SLC44A4: variants seen among roughly 807,000 people sequenced by gnomAD.
SLC44A4 encodes the protein solute carrier family 44 member 4, also known as choline transporter-like protein 4.
A neutral mutation model predicts 97.0 loss-of-function variants in SLC44A4; 74 were observed. The observed-to-expected ratio is 0.76, with a 90% CI of 0.63 to 0.93. The LOEUF (loss-of-function observed/expected upper bound fraction) is 0.93. Among genes scored for constraint, SLC44A4 ranks in the 40% least tolerant of loss-of-function variants. The pLI is 0.00. For missense variants in SLC44A4, 799 were observed against 902.9 expected (o/e 0.88, Z 1.48); for synonymous variants, 325 against 363.8 (o/e 0.89, Z 1.21).
rs1763602337 is a variant in SLC44A4, at chr6:31,878,799, A to G, written c.40+142T>C. 2.9e-6 allele frequency: 3 copies of G among 1,019,754 alleles called. No homozygotes were observed. The South Asian group carries it at 4.0e-5, about 14-fold the overall frequency. 63.2% of individuals were successfully genotyped at this position (1,019,754 alleles called of 1,614,324 possible). A position where few individuals can be genotyped will look rare whatever the true frequency, so the allele number is the denominator to read the frequency against. The stretch of plus-strand genomic sequence containing the variant: ...CCCAGGACCCTGACTCCCTCCCTCC[A>G]TGGCTCCCGGTTCCCGGGCCCTCCC... On this transcript the variant is annotated intron_variant, in intron 1 of 20. Coordinates refer to ENST00000229729, the MANE Select transcript of SLC44A4 (RefSeq NM_025257.3). The surrounding 1 kb of genome is among the most constrained non-coding windows in gnomAD (Gnocchi z 4.0).
chr6:31,868,659 G>A (rs1345261542), intron 13 of SLC44A4, among the ~76,000 whole-genome samples: 1 of 152,154 alleles, frequency 6.6e-6, no homozygotes, highest in Non-Finnish European at 1.5e-5. Flanking sequence ...AGCCTGGCGT[G>A]GTGTCATACG....
Position 31,865,157 on chromosome 6 carries a change from G to C in SLC44A4, c.1761-77C>G. 3.8e-6 allele frequency: 6 copies of C among 1,564,752 alleles called. No homozygotes were observed. Among genetic ancestry groups the C allele is most frequent in the Non-Finnish European group, 5.3e-6 (6 of 1,135,752 alleles). On this transcript the variant is annotated intron_variant, in intron 17 of 20. Transcript: ENST00000229729. This position sits in a 1 kb window ranked among gnomAD's most constrained non-coding sequence, Gnocchi z 5.2. ...AGTGAAATTGGCTTCGTAATTTGTG[G>C]GGACTGGTGCAAAATGAAAATTGTT...
chr6:31,864,888 GA>G lies in SLC44A4; in HGVS notation c.1853del (p.Phe618SerfsTer25), dbSNP rs910422495. 4 of 1,613,682 alleles carry G rather than the reference GA, an allele frequency of 2.5e-6. No individual in the cohort carries two copies. The highest frequency in any genetic ancestry group is 1.3e-5 in the African/African-American group (1 of 74,962). Reference sequence around the variant, plus strand: ...TACCCAGCCCCGGGATGCGACCGGAGAAAAAAAAGAAGGACAGGACCCCTGT... The same window carrying G: ...TACCCAGCCCCGGGATGCGACCGGAGAAAAAAAGAAGGACAGGACCCCTGT... Reference protein sequence around the residue: ...GGVGVLSFFFFSGRIPGLGKD... With the variant: ...GGVGVLSFFFXSGRIPGLGKD... On this transcript the variant is annotated frameshift_variant, in exon 19 of 21. Transcript: ENST00000229729. LOFTEE classifies it high-confidence loss of function.
In SLC44A4 at chr6:31,870,803, G is replaced by A. The variant is rs371104809; in HGVS notation, c.937+9C>T. The A allele has an allele frequency of 4.2e-4, 677 of 1,612,960 alleles. 3 individuals are homozygous for A. The Middle Eastern group carries it at 4.6e-3, about 11-fold the overall frequency. On this transcript the variant is annotated intron_variant, in intron 10 of 20. Coordinates refer to ENST00000229729, the MANE Select transcript of SLC44A4 (RefSeq NM_025257.3). Reference sequence around the variant, plus strand: ...CAGCTGGTGGCTTGGGGGTGGGCAGGACACTCACGGGCGGCCAGCCAGGTC... The same window carrying A: ...CAGCTGGTGGCTTGGGGGTGGGCAGAACACTCACGGGCGGCCAGCCAGGTC...
intron 20 of SLC44A4, 133 bp from the exon 21 acceptor site, chr6:31,863,881 A>C: frequency 7.3e-5 from 86 of 1,180,830 alleles, no homozygotes; most frequent in Non-Finnish European, 9.0e-5. Flanking sequence ...ATGTAATCTC[A>C]GTTTCCTCCT....
Position 31,877,656 on chromosome 6 carries a change from C to G in SLC44A4, c.41-574G>C, listed in dbSNP as rs1763515957. On this transcript the variant is annotated intron_variant, in intron 1 of 20. Coordinates refer to ENST00000229729, the MANE Select transcript of SLC44A4 (RefSeq NM_025257.3). The surrounding 1 kb of genome is among the most constrained non-coding windows in gnomAD (Gnocchi z 6.5). ...GGAAGCGGCCCTGTACATCCTCACT[C>G]TGGTGGGACCTCAGTCCCCTGGCCA... is the stretch of plus-strand genomic sequence containing the variant. 1.0e-6 allele frequency: 1 copy of G among 985,786 alleles called. No individual in the cohort carries two copies. Among genetic ancestry groups the G allele is most frequent in the Non-Finnish European group, 1.2e-6 (1 of 830,070 alleles). 61.1% of individuals were successfully genotyped at this position (985,786 alleles called of 1,614,324 possible).
At position 31,876,059 on chromosome 6, in the gene SLC44A4, C is replaced by T. The variant is rs1763424972; in HGVS notation, c.160G>A (p.Val54Met). Residue 54 changes from valine to methionine, a missense_variant, in exon 3 of 21, where the codon GTG (valine) becomes ATG (methionine). Physicochemically the swap from Val to Met is conservative, Grantham distance 21. Coordinates refer to ENST00000229729, the MANE Select transcript of SLC44A4 (RefSeq NM_025257.3). This position sits in a 1 kb window ranked among gnomAD's most constrained non-coding sequence, Gnocchi z 4.8. Reference sequence around the variant, plus strand: ...CTCTGAGCAGCTGGAAACTCACCCACAATCCCCACCACGATGTAACCTAGA... The same window carrying T: ...CTCTGAGCAGCTGGAAACTCACCCATAATCCCCACCACGATGTAACCTAGA... ...FILGYIVVGI[V>M]AWLYGDPRQV... The T allele has an allele frequency of 1.2e-6, 2 of 1,614,142 alleles. No individual in the cohort carries two copies. The highest frequency in any genetic ancestry group is 8.5e-7 in the Non-Finnish European group (1 of 1,180,028).
At chr6:31,869,385 G>T in intron 12 of SLC44A4, 128 bp from the exon 13 acceptor site, 1 of 948,376 alleles carries the variant, frequency 1.1e-6, no homozygotes, top group Non-Finnish European at 1.6e-6. Context: ...CAGCCTGTGT[G>T]CACCCTTTCA....
At chr6:31,871,203 C>G in intron 9 of SLC44A4, 111 bp downstream of exon 9, 1 of 1,305,522 alleles carries the variant, frequency 7.7e-7, no homozygotes, top group South Asian at 1.2e-5. Flanking sequence ...ATTCGGAGCT[C>G]TGGCTCCTCC....
rs1027262388 is a variant in SLC44A4, at chr6:31,865,052, G to A, written c.1789C>T (p.Leu597=). Residue 597 remains leucine, a synonymous_variant, in exon 18 of 21, where the codon CTG becomes TTG. Transcript: ENST00000229729. This position sits in a 1 kb window ranked among gnomAD's most constrained non-coding sequence, Gnocchi z 5.2. The part of the protein sequence containing the change: ...RVVVLDKVTD[L]LLFFGKLLVV... The stretch of plus-strand genomic sequence containing the variant: ...AGCAGCTTCCCAAAGAACAGCAGCA[G>A]GTCTGTGACTTTGTCCAGGACGACC... The A allele has an allele frequency of 6.2e-7, 1 of 1,613,578 alleles. No individual in the cohort carries two copies. Among genetic ancestry groups the A allele is most frequent in the Non-Finnish European group, 8.5e-7 (1 of 1,180,040 alleles).
In SLC44A4 at chr6:31,864,633, G is replaced by T; in HGVS notation, c.2011+19C>A. ...CAGTACTTTAAGGTTGGGGACAGGT[G>T]GCTGGGGGTGTCACTCACGGAAGCA... On this transcript the variant is annotated intron_variant, in intron 20 of 20. Transcript: ENST00000229729. 1 of 1,610,580 alleles carries T rather than the reference G, an allele frequency of 6.2e-7. No individual in the cohort carries two copies. Among genetic ancestry groups the T allele is most frequent in the Non-Finnish European group, 8.5e-7 (1 of 1,176,852 alleles).
Position 31,875,929 on chromosome 6 carries a change from G to A in SLC44A4, c.165C>T (p.Ala55=). ...CTTGCCGGGGGTCTCCATACAACCAGGCTGCAGACAGAGGCACAGATGAGT... is the reference window on the plus strand; with the variant it reads ...CTTGCCGGGGGTCTCCATACAACCAAGCTGCAGACAGAGGCACAGATGAGT... The part of the protein sequence containing the change: ...ILGYIVVGIV[A]WLYGDPRQVL... The change falls in exon 4 of 21, where the codon GCC becomes GCT. Residue 55 remains alanine (A), a splice_region_variant and synonymous_variant. Transcript: ENST00000229729. 1 of 1,613,994 alleles carries A rather than the reference G, an allele frequency of 6.2e-7. No individual in the cohort carries two copies. Among genetic ancestry groups the A allele is most frequent in the East Asian group, 2.2e-5 (1 of 44,880 alleles).
At position 31,877,610 on chromosome 6, in the gene SLC44A4, A is replaced by T; in HGVS notation, c.41-528T>A. 1 of 987,108 alleles carries T rather than the reference A, an allele frequency of 1.0e-6. No homozygotes were observed. Among genetic ancestry groups the T allele is most frequent in the Non-Finnish European group, 1.2e-6 (1 of 831,118 alleles). 61.1% of individuals were successfully genotyped at this position (987,108 alleles called of 1,614,324 possible). A position where few individuals can be genotyped will look rare whatever the true frequency, so the allele number is the denominator to read the frequency against. ...AAAGAAACTGGAGACAAAGGTGTCAACCCCAGCAGGGCCTGGGGAGGGAAG... is the reference window on the plus strand; with the variant it reads ...AAAGAAACTGGAGACAAAGGTGTCATCCCCAGCAGGGCCTGGGGAGGGAAG... On this transcript the variant is annotated intron_variant, in intron 1 of 20. Transcript: ENST00000229729. The surrounding 1 kb of genome is among the most constrained non-coding windows in gnomAD (Gnocchi z 6.5).
Position 31,863,704 on chromosome 6 carries a change from A to C in SLC44A4, c.2056T>G (p.Tyr686Asp). ...RNNGSLDRPY[Y>D]MSKSLLKILG... is the part of the protein sequence containing the mutation. ...ATCTTTAGAAGGCTCTTGGACATGT[A>C]GTAGGGCCGGTCCAGGGAGCCGTTG... is the stretch of plus-strand genomic sequence containing the variant. The change falls in exon 21 of 21, where the codon TAC becomes GAC. Residue 686 changes from tyrosine (Y) to aspartate (D), a missense_variant. Physicochemically the swap from Tyr to Asp is radical, Grantham distance 160. Coordinates refer to ENST00000229729, the MANE Select transcript of SLC44A4 (RefSeq NM_025257.3). 1.2e-6 allele frequency: 2 copies of C among 1,612,570 alleles called. No individual in the cohort carries two copies. The highest frequency in any genetic ancestry group is 1.1e-5 in the South Asian group (1 of 91,040).
rs1469888890 is a variant in SLC44A4, at chr6:31,878,747, G to A, written c.40+194C>T. Among the ~76,000 whole-genome samples, 1 of 151,394 alleles carries A rather than the reference G, an allele frequency of 6.6e-6. No homozygotes were observed. Among genetic ancestry groups the A allele is most frequent in the East Asian group, 1.9e-4 (1 of 5,130 alleles). ...ACTCCCCATGGGCTCCCCAGCAACA[G>A]CCCCAGCCCCCGGGCCCCATCCTCC... On this transcript the variant is annotated intron_variant, in intron 1 of 20. Transcript: ENST00000229729. The surrounding 1 kb of genome is among the most constrained non-coding windows in gnomAD (Gnocchi z 4.0).
Position 31,874,419 on chromosome 6 carries a change from T to A in SLC44A4, c.529+41A>T. 1 of 1,602,628 alleles carries A rather than the reference T, an allele frequency of 6.2e-7. No individual in the cohort carries two copies. The highest frequency in any genetic ancestry group is 8.5e-7 in the Non-Finnish European group (1 of 1,170,664). The stretch of plus-strand genomic sequence containing the variant: ...TTCTTCATTCAAGCAATGAAAACAC[T>A]GGACTAGATGACGTCTGAGGAAGGA... On this transcript the variant is annotated intron_variant, in intron 7 of 20. Coordinates refer to ENST00000229729, the MANE Select transcript of SLC44A4 (RefSeq NM_025257.3). The surrounding 1 kb of genome is among the most constrained non-coding windows in gnomAD (Gnocchi z 4.8).
At position 31,863,439 on chromosome 6, in the gene SLC44A4, C is replaced by G. The variant is rs1762658407; in HGVS notation, c.*188G>C. On this transcript the variant is annotated 3_prime_UTR_variant, in exon 21 of 21. Transcript: ENST00000229729. ...CGGAGGTTTCACCATGTTGGCCAGG[C>G]TGGTCTCGAACTCCTGACTCAGGTG... The G allele has an allele frequency of 2.8e-6, 2 of 707,894 alleles. No homozygotes were observed. The highest frequency in any genetic ancestry group is 4.3e-6 in the Non-Finnish European group (2 of 462,990). The allele number at this position is 707,894 out of a possible 1,614,324, so 43.9% of individuals were successfully genotyped here.
At position 31,871,297 on chromosome 6, in the gene SLC44A4, G is replaced by A; in HGVS notation, c.701+17C>T. 6.2e-7 allele frequency: 1 copy of A among 1,608,182 alleles called. No homozygotes were observed. The highest frequency in any genetic ancestry group is 1.7e-4 in the Middle Eastern group (1 of 6,048). ...AAGAAGGCAAGGACACAAGAGGAGG[G>A]GAATCTGGTGACTCACACAAGAATC... On this transcript the variant is annotated intron_variant, in intron 9 of 20. Transcript: ENST00000229729.
Position 31,878,881 on chromosome 6 carries a change from T to A in SLC44A4, c.40+60A>T. On this transcript the variant is annotated intron_variant, in intron 1 of 20. Coordinates refer to ENST00000229729, the MANE Select transcript of SLC44A4 (RefSeq NM_025257.3). This position sits in a 1 kb window ranked among gnomAD's most constrained non-coding sequence, Gnocchi z 4.0. ...TCCCTGGAGCCAGCCCCAGACACCA[T>A]TCCCAAAGTACCCGTCCTCCCCTCC... 1 of 1,574,116 alleles carries A rather than the reference T, an allele frequency of 6.4e-7. No individual in the cohort carries two copies. Among genetic ancestry groups the A allele is most frequent in the Non-Finnish European group, 8.7e-7 (1 of 1,143,830 alleles).
Sources: allele counts gnomAD v4.1 joint callset (sites outside exome capture counted in the v4.1 genomes callset), GRCh38; gene constraint gnomAD v4.1.1; non-coding constraint Gnocchi (gnomAD v3.1); transcripts MANE v1.5; gene names NCBI Gene and HGNC (gene_info 2026-07-23, HGNC 2026-07-21).